NTM: variants seen among roughly 807,000 people sequenced by gnomAD.
NTM encodes IgLON family member 2.
Under a neutral mutation model 42.1 loss-of-function variants are expected in NTM, and 13 were observed. The ratio of observed to expected loss-of-function variants is 0.31; its 90% CI spans 0.20 to 0.49. The LOEUF (loss-of-function observed/expected upper bound fraction) is 0.49, where lower values mean the gene tolerates loss of function less well. NTM is among the 20% of genes least tolerant of loss of function. The probability of loss-of-function intolerance (pLI) is 0.99; values close to 1 mark genes in which losing one functional copy is unlikely to be tolerated. For synonymous variants in NTM, 187 were observed against 179.2 expected, an observed-to-expected ratio of 1.04 and a Z score of -0.35; for missense variants, 373 against 452.8, an observed-to-expected ratio of 0.82 and a Z score of 1.60.
intron 4 of NTM, among the ~76,000 whole-genome samples, chr11:132,299,592 T>C (rs920680808): frequency 6.6e-6 from 1 of 152,170 alleles, no homozygotes; most frequent in African/African-American, 2.4e-5. Context: ...CTCTACGACT[T>C]ACGCACAGCT....
chr11:131,430,326 G>A (rs1948551550), intron 1 of NTM, among the ~76,000 whole-genome samples: 1 of 152,176 alleles, frequency 6.6e-6, no homozygotes. Context: ...GAGTTCCAGG[G>A]ATGGGGGTGG....
intron 1 of NTM, among the ~76,000 whole-genome samples, chr11:131,909,361 C>T (rs1006975192): frequency 1.3e-5 from 2 of 152,124 alleles, no homozygotes; most frequent in African/African-American, 2.4e-5. Context: ...AGTATTGTAC[C>T]GAAGCCCTTA....
At chr11:132,048,016 A>G (rs1034806190) in intron 2 of NTM, among the ~76,000 whole-genome samples, 2 of 150,806 alleles carry the variant, frequency 1.3e-5, no homozygotes, top group African/African-American at 2.4e-5. Context: ...TTTTTTTTAT[A>G]TAGCTGAGTA....
chr11:131,706,895 C>T (rs1013875983), intron 1 of NTM, among the ~76,000 whole-genome samples: 1 of 151,878 alleles, frequency 6.6e-6, no homozygotes. Context: ...TTATGAGGTA[C>T]AATGTGATGT....
chr11:132,003,264 T>C lies in NTM; in HGVS notation c.167+91616T>C, dbSNP rs1055541720. Reference sequence around the variant, plus strand: ...CCCTTAGAGTTTTTTTTTCTTTTTTTTTTTTGACAGGTTATTTGTTGCCCA... The same window carrying C: ...CCCTTAGAGTTTTTTTTTCTTTTTTCTTTTTGACAGGTTATTTGTTGCCCA... On this transcript the variant is annotated intron_variant, in intron 2 of 8. Coordinates refer to ENST00000683400, the MANE Select transcript of NTM (RefSeq NM_001352005.2). This position sits in a 1 kb window ranked among gnomAD's most constrained non-coding sequence, Gnocchi z 6.0. 6.6e-6 allele frequency among the ~76,000 whole-genome samples: 1 copy of C among 152,040 alleles called. No individual in the cohort carries two copies. The highest frequency in any genetic ancestry group is 2.4e-5 in the African/African-American group (1 of 41,398).
At chr11:132,265,586 C>T (rs1012952804) in intron 4 of NTM, among the ~76,000 whole-genome samples, 5 of 151,910 alleles carry the variant, frequency 3.3e-5, no homozygotes, top group East Asian at 1.9e-4. Flanking sequence ...AATACATTGC[C>T]GGGAATCTAG....
chr11:131,500,575 ATATTTTTTTTTT>A (rs1323467693), intron 1 of NTM, among the ~76,000 whole-genome samples: 373 of 18,030 alleles, frequency 0.021, 10 homozygotes, highest in African/African-American at 0.075. Context: ...ATATATATAT[ATATTTTTTTTTT>A]TTTTTTTTGT....
intron 1 of NTM, among the ~76,000 whole-genome samples, chr11:131,393,654 C>A (rs533374233): frequency 6.6e-6 from 1 of 152,198 alleles, no homozygotes; most frequent in African/African-American, 2.4e-5. Context: ...TTCTTCCCAA[C>A]AGCGCAAAGA....
chr11:132,180,258 G>C (rs941408346), intron 3 of NTM, among the ~76,000 whole-genome samples: 1 of 152,098 alleles, frequency 6.6e-6, no homozygotes, highest in African/African-American at 2.4e-5. Flanking sequence ...ATCCAATAGA[G>C]AGATGTTGGA....
intron 1 of NTM, among the ~76,000 whole-genome samples, chr11:131,747,269 A>G (rs1181150978): frequency 6.6e-6 from 1 of 152,176 alleles, no homozygotes; most frequent in Admixed American, 6.5e-5. Context: ...TGCCAGCTGA[A>G]TAACCCACGA....
At chr11:131,743,449 C>A (rs2081423783) in intron 1 of NTM, among the ~76,000 whole-genome samples, 2 of 152,016 alleles carry the variant, frequency 1.3e-5, no homozygotes, top group Admixed American at 6.6e-5. Context: ...AATTATGAAA[C>A]AAAATAAAAC....
intron 1 of NTM, among the ~76,000 whole-genome samples, chr11:131,575,067 A>G (rs904430528): frequency 2.0e-5 from 3 of 152,162 alleles, no homozygotes; most frequent in African/African-American, 7.2e-5. Context: ...AATTTTTCTC[A>G]GAAAACCAGT....
intron 1 of NTM, among the ~76,000 whole-genome samples, chr11:131,817,255 T>A (rs1042385640): frequency 3.3e-5 from 5 of 152,236 alleles, no homozygotes; most frequent in Admixed American, 6.5e-5. Flanking sequence ...GTATTAATTA[T>A]GTATTTCATT....
chr11:131,667,463 G>T (rs1460352559), intron 1 of NTM, among the ~76,000 whole-genome samples: 3 of 152,130 alleles, frequency 2.0e-5, no homozygotes, highest in Non-Finnish European at 4.4e-5. Flanking sequence ...CATTTGTTTT[G>T]CTTTGTATGT....
chr11:131,478,601 T>A (rs972717605), intron 1 of NTM, among the ~76,000 whole-genome samples: 5 of 152,302 alleles, frequency 3.3e-5, no homozygotes, highest in African/African-American at 1.2e-4. Context: ...GCAAGCTTCA[T>A]ATGGACTAGT....
At chr11:131,593,609 C>T (rs1240503584) in intron 1 of NTM, among the ~76,000 whole-genome samples, 1 of 152,206 alleles carries the variant, frequency 6.6e-6, no homozygotes, top group Non-Finnish European at 1.5e-5. Context: ...CCGTTATCAC[C>T]TCTGCTTCAT....
rs768086265 is a variant in NTM, at chr11:131,697,752, A to C, written c.83-213812A>C. 6.8e-4 allele frequency among the ~76,000 whole-genome samples: 104 copies of C among 152,172 alleles called. 1 individual carries two copies. Among genetic ancestry groups the C allele is most frequent in the Admixed American group, 2.4e-3 (37 of 15,282 alleles). On this transcript the variant is annotated intron_variant, in intron 1 of 8. Coordinates refer to ENST00000683400, the MANE Select transcript of NTM (RefSeq NM_001352005.2). ...TACGTATTTCCACATGAATTCCTGC[A>C]TAGTCCCTCTTGCGTTATTTAATTA...
intron 1 of NTM, chr11:131,539,374 G>A (rs923726596): frequency 2.6e-5 from 4 of 152,228 alleles, no homozygotes; most frequent in Admixed American, 2.0e-4. Context: ...TCAGGGAAGA[G>A]CATGTAGGCG....
intron 2 of NTM, among the ~76,000 whole-genome samples, chr11:131,975,130 TTTC>T (rs906392152): frequency 2.6e-5 from 4 of 152,306 alleles, no homozygotes; most frequent in East Asian, 1.9e-4. Context: ...CTTGTTTTTC[TTTC>T]TTCTTATTTT....
Sources: allele counts gnomAD v4.1 joint callset (sites outside exome capture counted in the v4.1 genomes callset), GRCh38; gene constraint gnomAD v4.1.1; non-coding constraint Gnocchi (gnomAD v3.1); transcripts MANE v1.5; gene names NCBI Gene and HGNC (gene_info 2026-07-23, HGNC 2026-07-21).